The following CSMD3 variants were observed in gnomAD, a reference collection of about 807,000 sequenced individuals.
The protein encoded by CSMD3 is CUB and sushi domain-containing protein 3.
CSMD3 carries 177 observed loss-of-function variants against 435.2 expected under a neutral mutation model. That is an observed-to-expected ratio of 0.41 (90% CI 0.36 to 0.46). The LOEUF (loss-of-function observed/expected upper bound fraction) is 0.46. Ranked by LOEUF, CSMD3 falls within the 20% of genes least tolerant of loss-of-function variation. The pLI, the probability that CSMD3 is intolerant of heterozygous loss-of-function variation, is 0.34. For synonymous variants in CSMD3, 1,656 were observed against 1,520.5 expected (o/e 1.09, Z -2.07); for missense variants, 4,265 against 4,504.6 (o/e 0.95, Z 1.52).
intron 13 of CSMD3, among the ~76,000 whole-genome samples, chr8:112,790,647 T>C (rs1361132826): frequency 6.6e-6 from 1 of 152,104 alleles, no homozygotes; most frequent in Non-Finnish European, 1.5e-5. Context: ...TTCTTGTTTG[T>C]AACCGATATA....
intron 9 of CSMD3, among the ~76,000 whole-genome samples, chr8:112,931,231 T>C (rs2083097080): frequency 6.6e-6 from 1 of 152,092 alleles, no homozygotes; most frequent in Non-Finnish European, 1.5e-5. Flanking sequence ...TTTTAAATCA[T>C]TTTCATTTAA....
intron 1 of CSMD3, among the ~76,000 whole-genome samples, chr8:113,393,798 A>C (rs2133167108): frequency 6.6e-6 from 1 of 152,266 alleles, no homozygotes; most frequent in African/African-American, 2.4e-5. Flanking sequence ...ATGGTCAGGA[A>C]ATCTATCATT....
rs117642392 is a variant in CSMD3 at position 112,516,644 on chromosome 8, T to C, written c.4756+390A>G. ...AGCTTGGAAATTCTGACATAGGTTC[T>C]GACAATATTTTCTTTCTTAAATGAA... On this transcript the variant is annotated intron_variant, in intron 28 of 70. Transcript: ENST00000297405. Among the ~76,000 whole-genome samples, 166 of 152,296 alleles carry C rather than the reference T, an allele frequency of 1.1e-3. 2 individuals are homozygous for C. The East Asian group carries it at 0.026, about 24-fold the overall frequency.
At chr8:112,445,175 G>A (rs980912868) in intron 32 of CSMD3, among the ~76,000 whole-genome samples, 42 of 152,046 alleles carry the variant, frequency 2.8e-4, no homozygotes, top group African/African-American at 9.7e-4. Flanking sequence ...CCTGGGAGAC[G>A]GAGGTTGCAG....
chr8:112,317,206 A>G (rs984062664), intron 47 of CSMD3, among the ~76,000 whole-genome samples: 5 of 152,140 alleles, frequency 3.3e-5, no homozygotes, highest in African/African-American at 1.2e-4. Flanking sequence ...AATAAGTTCA[A>G]TTACTAATCT....
chr8:113,233,021 T>C (rs1588329451), intron 3 of CSMD3, among the ~76,000 whole-genome samples: 1 of 151,946 alleles, frequency 6.6e-6, no homozygotes, highest in Non-Finnish European at 1.5e-5. Flanking sequence ...AAAGTTAAGA[T>C]ATAAATTTTA....
intron 10 of CSMD3, among the ~76,000 whole-genome samples, chr8:112,910,350 C>T (rs1483318198): frequency 6.6e-6 from 1 of 151,740 alleles, no homozygotes; most frequent in African/African-American, 2.4e-5. Context: ...AATTTCATCA[C>T]AGAACTGCTG....
At chr8:113,228,860 A>T (rs973917618) in intron 3 of CSMD3, among the ~76,000 whole-genome samples, 1 of 151,634 alleles carries the variant, frequency 6.6e-6, no homozygotes, top group African/African-American at 2.4e-5. Context: ...CTGTAGAAAT[A>T]ACTGACGTGT....
intron 1 of CSMD3, among the ~76,000 whole-genome samples, chr8:113,389,217 A>G (rs1243326639): frequency 2.0e-5 from 3 of 151,708 alleles, no homozygotes; most frequent in South Asian, 4.1e-4. Context: ...ATTCTCTTGC[A>G]CTTTAAATTG....
chr8:112,393,909 T>C (rs1830651732), intron 35 of CSMD3, among the ~76,000 whole-genome samples: 1 of 151,540 alleles, frequency 6.6e-6, no homozygotes, highest in African/African-American at 2.4e-5. Flanking sequence ...TAACTCATTC[T>C]CCTCTTTGTA....
intron 30 of CSMD3, among the ~76,000 whole-genome samples, chr8:112,503,415 G>A (rs760248849): frequency 1.2e-4 from 18 of 152,292 alleles, no homozygotes; most frequent in South Asian, 4.1e-4. Flanking sequence ...TATCGTCTAC[G>A]TTGTTCCCTT....
intron 23 of CSMD3, among the ~76,000 whole-genome samples, chr8:112,581,622 G>A (rs1830341747): frequency 6.6e-6 from 1 of 151,894 alleles, no homozygotes; most frequent in South Asian, 2.1e-4. Context: ...GTCCTTTCTA[G>A]AAGAAAAGAA....
At chr8:112,239,829 C>T (rs545848671) in intron 66 of CSMD3, among the ~76,000 whole-genome samples, 2 of 152,028 alleles carry the variant, frequency 1.3e-5, no homozygotes, top group South Asian at 4.1e-4. Context: ...CTGAAAAGAA[C>T]GACATTTGGT....
chr8:113,311,200 T>G (rs1189231702), intron 2 of CSMD3: 3 of 152,126 alleles, frequency 2.0e-5, no homozygotes, highest in Non-Finnish European at 4.4e-5. Flanking sequence ...TTGCCTTAAA[T>G]GCATCAGCAC....
intron 13 of CSMD3, among the ~76,000 whole-genome samples, chr8:112,760,084 C>T (rs1042622018): frequency 5.3e-5 from 8 of 152,098 alleles, no homozygotes; most frequent in Admixed American, 1.3e-4. Context: ...TTAACCATTG[C>T]ATTCATTGCC....
chr8:112,744,557 T>C (rs893951092), intron 13 of CSMD3, among the ~76,000 whole-genome samples: 1 of 152,026 alleles, frequency 6.6e-6, no homozygotes, highest in Non-Finnish European at 1.5e-5. Flanking sequence ...TGACAGTAAG[T>C]CATGGTTTCA....
chr8:112,339,938 C>T (rs1238504770), intron 42 of CSMD3, among the ~76,000 whole-genome samples: 3 of 152,048 alleles, frequency 2.0e-5, no homozygotes, highest in Non-Finnish European at 4.4e-5. Context: ...ACGTCAGTAA[C>T]AGTGAAAAAA....
chr8:112,395,813 A>G (rs1563890063), intron 35 of CSMD3, among the ~76,000 whole-genome samples: 2 of 152,200 alleles, frequency 1.3e-5, no homozygotes, highest in African/African-American at 4.8e-5. Context: ...AAATGTAACA[A>G]GGTCAAATTT....
At chr8:112,284,005 C>T (rs563636424) in intron 58 of CSMD3, among the ~76,000 whole-genome samples, 9 of 143,018 alleles carry the variant, frequency 6.3e-5, no homozygotes, top group Admixed American at 3.7e-4. Context: ...TCACATGTGC[C>T]CCATTAATAT....
Sources: allele counts gnomAD v4.1 joint callset (sites outside exome capture counted in the v4.1 genomes callset), GRCh38; gene constraint gnomAD v4.1.1; transcripts MANE v1.5; gene names NCBI Gene and HGNC (gene_info 2026-07-23, HGNC 2026-07-21).